The following PIK3R6 variants were observed in gnomAD, a reference collection of about 807,000 sequenced individuals.
PIK3R6 encodes phosphoinositide-3-kinase regulatory subunit 6.
In PIK3R6, 91 loss-of-function variants were observed where a neutral mutation model predicts 84.9. The ratio of observed to expected loss-of-function variants is 1.07; its 90% CI spans 0.90 to 1.28. PIK3R6 has a LOEUF of 1.28. Ranked by LOEUF, PIK3R6 falls within the 50% of genes most tolerant of loss-of-function variation. The probability of loss-of-function intolerance (pLI) is 0.00; values close to 1 mark genes in which losing one functional copy is unlikely to be tolerated. For synonymous variants in PIK3R6, 416 were observed against 411.4 expected (o/e 1.01, Z -0.13); for missense variants, 996 against 985.1 (o/e 1.01, Z -0.15).
rs772675894 is a variant in PIK3R6 at position 8,828,827 on chromosome 17, A to T, written c.1053T>A (p.Asp351Glu). 12 of 1,593,538 alleles carry T rather than the reference A, an allele frequency of 7.5e-6. No homozygotes were observed. Residue 351 changes from aspartate (D) to glutamate (E), a missense_variant, in exon 11 of 20, where the codon GAT (aspartate) becomes GAA (glutamate). Transcript: ENST00000619866. ...CAGGGCTGCCGGGTGCAGGCAGCTCATCAGCCCCCGTGGGAAGGTCCCGCT... is the reference window on the plus strand; with the variant it reads ...CAGGGCTGCCGGGTGCAGGCAGCTCTTCAGCCCCCGTGGGAAGGTCCCGCT... Reference protein sequence around the residue: ...GIERDLPTGADELPAPGSPEM... With the variant: ...GIERDLPTGAEELPAPGSPEM...
At chr17:8,859,321 C>A (rs1363725377) in intron 1 of PIK3R6, among the ~76,000 whole-genome samples, 1 of 152,196 alleles carries the variant, frequency 6.6e-6, no homozygotes, top group African/African-American at 2.4e-5. Flanking sequence ...CGTGGTCTAC[C>A]AGTCTGTCAC....
chr17:8,862,526 T>C lies in PIK3R6; in HGVS notation c.-92+5003A>G, dbSNP rs2089307467. Among the ~76,000 whole-genome samples the C allele has an allele frequency of 6.6e-6, 1 of 152,082 alleles. No homozygotes were observed. The highest frequency in any genetic ancestry group is 2.1e-4 in the South Asian group (1 of 4,814). On this transcript the variant is annotated intron_variant, in intron 1 of 19. Transcript: ENST00000619866. The surrounding 1 kb of genome is among the most constrained non-coding windows in gnomAD (Gnocchi z 4.3). Reference sequence around the variant, plus strand: ...GACAGACACAATGGTGAGAAGGACATTGTGCCTCACTGACCTGGCAGCTAC... The same window carrying C: ...GACAGACACAATGGTGAGAAGGACACTGTGCCTCACTGACCTGGCAGCTAC...
At chr17:8,864,040 T>C (rs2089345371) in intron 1 of PIK3R6, among the ~76,000 whole-genome samples, 1 of 152,176 alleles carries the variant, frequency 6.6e-6, no homozygotes, top group Non-Finnish European at 1.5e-5. Context: ...AGGAAGATGT[T>C]GGGAGACAAT....
At chr17:8,819,865 T>C (rs1178815471) in intron 17 of PIK3R6, among the ~76,000 whole-genome samples, 2 of 145,114 alleles carry the variant, frequency 1.4e-5, no homozygotes, top group African/African-American at 5.1e-5. Context: ...TAGACACACA[T>C]ATATATGTAT....
chr17:8,837,749 A>T (rs1465015582), intron 5 of PIK3R6, 54 bp downstream of exon 5: 1 of 1,482,802 alleles, frequency 6.7e-7, no homozygotes, highest in African/African-American at 1.4e-5. Context: ...GAGAGTGTCC[A>T]GCCCAGCCAC....
At chr17:8,820,025 C>T (rs1218438900) in intron 17 of PIK3R6, among the ~76,000 whole-genome samples, 1 of 149,982 alleles carries the variant, frequency 6.7e-6, no homozygotes, top group Non-Finnish European at 1.5e-5. Context: ...TCGGTCACTG[C>T]AACCTCTGCC....
Position 8,833,166 on chromosome 17 carries a change from C to T in PIK3R6, c.646-121G>A, listed in dbSNP as rs2088322460. On this transcript the variant is annotated intron_variant, in intron 8 of 19. Transcript: ENST00000619866. ...ACACCTCTCCGCTGCCCCTGGGGGC[C>T]CGGCAGGAGCTTCCCCCGAAGGCTT... 2.3e-5 allele frequency: 31 copies of T among 1,326,770 alleles called. 1 individual carries two copies. The South Asian group carries it at 4.3e-4, about 18-fold the overall frequency. The allele number at this position is 1,326,770 out of a possible 1,614,324, so 82.2% of individuals were successfully genotyped here.
intron 18 of PIK3R6, among the ~76,000 whole-genome samples, chr17:8,815,874 A>G (rs2087519875): frequency 6.6e-6 from 1 of 152,232 alleles, no homozygotes; most frequent in African/African-American, 2.4e-5. Context: ...TTTTATCTAC[A>G]AGCCCATCCA....
Position 8,849,772 on chromosome 17 carries a change from C to G in PIK3R6, c.13+10G>C. On this transcript the variant is annotated intron_variant, in intron 2 of 19. Coordinates refer to ENST00000619866, the MANE Select transcript of PIK3R6 (RefSeq NM_001010855.4). ...GGCTCACTAGACCCCTTTCCCCCCA[C>G]CACACTGACCTGAGCTCTCCATGGG... 1 of 1,611,608 alleles carries G rather than the reference C, an allele frequency of 6.2e-7. No individual in the cohort carries two copies. Among genetic ancestry groups the G allele is most frequent in the Non-Finnish European group, 8.5e-7 (1 of 1,178,676 alleles).
chr17:8,837,610 T>G (rs2088522988), intron 5 of PIK3R6, among the ~76,000 whole-genome samples, 193 bp downstream of exon 5: 1 of 152,146 alleles, frequency 6.6e-6, no homozygotes, highest in African/African-American at 2.4e-5. Flanking sequence ...TCAAGGCCAT[T>G]GTCTCTCCAG....
intron 18 of PIK3R6, among the ~76,000 whole-genome samples, chr17:8,813,059 A>G (rs1006349918): frequency 6.6e-6 from 1 of 152,202 alleles, no homozygotes; most frequent in Non-Finnish European, 1.5e-5. Context: ...TGAGAAAGGT[A>G]TCATTACAAT....
chr17:8,836,820 A>G lies in PIK3R6; in HGVS notation c.362T>C (p.Ile121Thr). 1 of 1,604,704 alleles carries G rather than the reference A, an allele frequency of 6.2e-7. No homozygotes were observed. The highest frequency in any genetic ancestry group is 1.1e-5 in the South Asian group (1 of 89,170). Residue 121 changes from isoleucine (I) to threonine (T), a missense_variant, in exon 6 of 20, where the codon ATA (isoleucine) becomes ACA (threonine). Coordinates refer to ENST00000619866, the MANE Select transcript of PIK3R6 (RefSeq NM_001010855.4). Reference sequence around the variant, plus strand: ...GACAGCCATCTCCGTTTTCAGCCTTATCGCGCAGTCCAAGGCGACTGTGCA... The same window carrying G: ...GACAGCCATCTCCGTTTTCAGCCTTGTCGCGCAGTCCAAGGCGACTGTGCA... ...PYCTVALDCA[I>T]RLKTEMAVPG...
chr17:8,859,969 G>T (rs2089233019), intron 1 of PIK3R6, among the ~76,000 whole-genome samples: 1 of 152,162 alleles, frequency 6.6e-6, no homozygotes, highest in Non-Finnish European at 1.5e-5. Flanking sequence ...TTCCTCTGGA[G>T]TGGCCTGACT....
intron 8 of PIK3R6, among the ~76,000 whole-genome samples, chr17:8,833,931 G>A (rs2088354178): frequency 6.6e-6 from 1 of 151,862 alleles, no homozygotes; most frequent in Non-Finnish European, 1.5e-5. Context: ...CACTTTGGAA[G>A]GCCGGGGTAG....
chr17:8,814,123 C>A (rs1405988339), intron 18 of PIK3R6, among the ~76,000 whole-genome samples: 1 of 151,440 alleles, frequency 6.6e-6, no homozygotes, highest in East Asian at 2.0e-4. Flanking sequence ...GGGATCCCCC[C>A]ACAGAAAGAA....
In PIK3R6 at chr17:8,804,049, A is replaced by G. The variant is rs1377502904; in HGVS notation, c.2100T>C (p.Asp700=). ...LDKDDQRTFR[D]VVRFEVAPCP... ...GGCAGGCCCAGCCTCACCTGACCAC[A>G]TCCCTGAAAGTGCGTTGATCGTCCT... Residue 700 remains aspartate, a synonymous_variant, in exon 19 of 20, where the codon GAT becomes GAC. Transcript: ENST00000619866. 6.2e-7 allele frequency: 1 copy of G among 1,613,704 alleles called. No homozygotes were observed. Among genetic ancestry groups the G allele is most frequent in the Admixed American group, 1.7e-5 (1 of 60,016 alleles).
rs1246921174 is a variant in PIK3R6, at chr17:8,842,819, T to C, written c.14-3122A>G. Among the ~76,000 whole-genome samples the C allele has an allele frequency of 6.6e-6, 1 of 152,264 alleles. No individual in the cohort carries two copies. The highest frequency in any genetic ancestry group is 1.5e-5 in the Non-Finnish European group (1 of 68,046). ...GCTCCTTTTTGGTCCTCCTGCTTTA[T>C]ATTCTATTTAATCTATATCTGAATT... On this transcript the variant is annotated intron_variant, in intron 2 of 19. Coordinates refer to ENST00000619866, the MANE Select transcript of PIK3R6 (RefSeq NM_001010855.4). The surrounding 1 kb of genome is among the most constrained non-coding windows in gnomAD (Gnocchi z 4.5).
rs566220640 is a variant in PIK3R6, at chr17:8,823,102, G to C, written c.1627-16C>G. The C allele has an allele frequency of 6.4e-7, 1 of 1,559,692 alleles. No individual in the cohort carries two copies. The highest frequency in any genetic ancestry group is 1.1e-5 in the South Asian group (1 of 89,904). On this transcript the variant is annotated splice_polypyrimidine_tract_variant and intron_variant, in intron 14 of 19. Transcript: ENST00000619866. ...TGAAAAAGATCTGGAGAGAGGAAGGGAGGGTGGCATTTCCTGGTGTGATTT... is the reference window on the plus strand; with the variant it reads ...TGAAAAAGATCTGGAGAGAGGAAGGCAGGGTGGCATTTCCTGGTGTGATTT...
chr17:8,853,467 A>G (rs2089032832), intron 1 of PIK3R6, among the ~76,000 whole-genome samples: 1 of 147,388 alleles, frequency 6.8e-6, no homozygotes, highest in Non-Finnish European at 1.5e-5. Context: ...CCTGGGTGAC[A>G]GAGCAAGACT....
Sources: gnomAD v4.1 joint callset for allele counts (sites outside exome capture counted in the v4.1 genomes callset) on GRCh38, gnomAD v4.1.1 for gene constraint, Gnocchi (gnomAD v3.1) non-coding constraint, MANE v1.5 for transcripts, NCBI Gene and HGNC (gene_info 2026-07-23, HGNC 2026-07-21) for gene names.